Variants in CPE observed in about 807,000 individuals in gnomAD.
CPE encodes carbocypeptidase E.
Under a neutral mutation model 53.5 loss-of-function variants are expected in CPE, and 17 were observed. The ratio of observed to expected loss-of-function variants is 0.32; its 90% confidence interval spans 0.22 to 0.48. CPE has a LOEUF of 0.48. Among genes scored for constraint, CPE ranks in the 20% least tolerant of loss-of-function variants. The pLI, the probability that CPE is intolerant of heterozygous loss-of-function variation, is 0.99. For synonymous variants in CPE, 226 were observed against 228.8 expected (o/e 0.99, Z 0.11); for missense variants, 524 against 614.7 (o/e 0.85, Z 1.56).
At chr4:165,409,769 T>G (rs1043259977) in intron 1 of CPE, among the ~76,000 whole-genome samples, 8 of 152,186 alleles carry the variant, frequency 5.3e-5, no homozygotes, top group Non-Finnish European at 8.8e-5. Flanking sequence ...ATATTTATAC[T>G]TACTTTGTGA....
intron 3 of CPE, among the ~76,000 whole-genome samples, chr4:165,468,490 A>G (rs561227463): frequency 1.3e-5 from 2 of 152,160 alleles, no homozygotes; most frequent in African/African-American, 4.8e-5. Context: ...GTGGAACTTG[A>G]TATCTCAAGC....
At chr4:165,431,926 A>C (rs74697546) in intron 1 of CPE, among the ~76,000 whole-genome samples, 516 of 152,242 alleles carry the variant, frequency 3.4e-3, no homozygotes, top group Non-Finnish European at 5.8e-3. Context: ...GACAAGAGAG[A>C]TGAGTGTAGT....
In CPE at chr4:165,493,195, G is replaced by A. The variant is rs140738622; in HGVS notation, c.1138G>A (p.Val380Ile). Residue 380 changes from valine to isoleucine, a missense_variant, in exon 7 of 9, where the codon GTC becomes ATC. Coordinates refer to ENST00000402744, the MANE Select transcript of CPE (RefSeq NM_001873.4). ...EQIHRGVKGF[V>I]RDLQGNPIAN... ...GATACACCGAGGAGTTAAAGGATTTGTCCGAGACCTTCAAGGTAACCCAAT... is the reference window on the plus strand; with the variant it reads ...GATACACCGAGGAGTTAAAGGATTTATCCGAGACCTTCAAGGTAACCCAAT... 3.1e-4 allele frequency: 496 copies of A among 1,613,898 alleles called. 3 individuals are homozygous for A. In the African/African-American group the frequency reaches 5.7e-3, roughly 19 times the overall value.
Position 165,406,448 on chromosome 4 carries a change from A to C in CPE, c.307+26920A>C, listed in dbSNP as rs1418763167. The C allele has an allele frequency of 2.1e-4, 60 of 280,352 alleles. No homozygotes were observed. The Admixed American group carries it at 2.6e-3, about 12-fold the overall frequency. The allele number at this position is 280,352 out of a possible 1,614,324, so 17.4% of individuals were successfully genotyped here. A position where few individuals can be genotyped will look rare whatever the true frequency, so the allele number is the denominator to read the frequency against. On this transcript the variant is annotated intron_variant, in intron 1 of 8. Coordinates refer to ENST00000402744, the MANE Select transcript of CPE (RefSeq NM_001873.4). ...ATGTATTATAACCAAGGAGAATACA[A>C]ATGAACTGACTTCACAGTTTTTCCC...
chr4:165,403,615 A>G (rs571302073), intron 1 of CPE, among the ~76,000 whole-genome samples: 41 of 152,244 alleles, frequency 2.7e-4, no homozygotes, highest in Non-Finnish European at 5.4e-4. Flanking sequence ...GCTTGCTAAC[A>G]ACATGAAAAG....
intron 3 of CPE, among the ~76,000 whole-genome samples, chr4:165,477,965 G>A (rs182342235): frequency 2.0e-5 from 3 of 152,206 alleles, no homozygotes; most frequent in African/African-American, 4.8e-5. Context: ...GTTTGTCATC[G>A]GCTCTTGAGC....
chr4:165,448,658 C>T (rs372193945), intron 1 of CPE, among the ~76,000 whole-genome samples: 3 of 152,108 alleles, frequency 2.0e-5, no homozygotes, highest in East Asian at 1.9e-4. Flanking sequence ...CTTCTTTTAT[C>T]ATTGCGAGCA....
At chr4:165,487,794 T>C (rs980893629) in intron 6 of CPE, among the ~76,000 whole-genome samples, 1 of 152,120 alleles carries the variant, frequency 6.6e-6, no homozygotes, top group Non-Finnish European at 1.5e-5. Context: ...CTGGAGAGTA[T>C]ACAGAAAAGA....
intron 1 of CPE, among the ~76,000 whole-genome samples, chr4:165,410,440 C>A (rs1462016550): frequency 2.0e-5 from 3 of 152,080 alleles, no homozygotes; most frequent in African/African-American, 7.2e-5. Context: ...GGTAAGTAAA[C>A]AAAACAGGCC....
At chr4:165,443,217 T>C (rs970145575) in intron 1 of CPE, among the ~76,000 whole-genome samples, 3 of 152,206 alleles carry the variant, frequency 2.0e-5, no homozygotes. Flanking sequence ...ATAGGGCAAA[T>C]GGCATTTGCT....
At chr4:165,381,175 A>G in intron 1 of CPE, 2 of 425,148 alleles carry the variant, frequency 4.7e-6, no homozygotes, top group Admixed American at 5.4e-5. Flanking sequence ...TTTTAAAGTG[A>G]TATTACAGTT....
At chr4:165,380,042 C>T (rs962283742) in intron 1 of CPE, among the ~76,000 whole-genome samples, 10 of 152,278 alleles carry the variant, frequency 6.6e-5, no homozygotes, top group Admixed American at 5.9e-4. Flanking sequence ...ATCATGTTTT[C>T]TCTAATTTCC....
intron 1 of CPE, among the ~76,000 whole-genome samples, chr4:165,451,479 A>ATTTATTTAT (rs370777951): frequency 1.1e-4 from 17 of 150,462 alleles, no homozygotes; most frequent in South Asian, 1.1e-3. Context: ...AGGTTTTATT[A>ATTTATTTAT]TTATTTATTT....
intron 1 of CPE, among the ~76,000 whole-genome samples, chr4:165,456,564 C>T (rs1731905771): frequency 6.6e-6 from 1 of 151,858 alleles, no homozygotes; most frequent in South Asian, 2.1e-4. Flanking sequence ...CTTTCTCTCT[C>T]TCTCTCTCTC....
chr4:165,481,018 T>TATATATATA (rs1560894846), intron 3 of CPE, among the ~76,000 whole-genome samples: 2 of 115,316 alleles, frequency 1.7e-5, no homozygotes, highest in African/African-American at 7.7e-5. Context: ...ATATATATAT[T>TATATATATA]TTTTTTTTTT....
intron 1 of CPE, among the ~76,000 whole-genome samples, chr4:165,446,958 A>G (rs1374833736): frequency 1.3e-5 from 2 of 152,250 alleles, no homozygotes; most frequent in African/African-American, 4.8e-5. Context: ...ACTATATGGT[A>G]GAGCCTACTA....
At chr4:165,443,150 C>T (rs1032295887) in intron 1 of CPE, among the ~76,000 whole-genome samples, 2 of 152,126 alleles carry the variant, frequency 1.3e-5, no homozygotes, top group Admixed American at 1.3e-4. Context: ...GGGAATCATG[C>T]GAAGGGGCAG....
intron 1 of CPE, among the ~76,000 whole-genome samples, chr4:165,393,820 C>T (rs1438110): frequency 0.55 from 82,863 of 151,970 alleles, 23,187 homozygotes; most frequent in African/African-American, 0.68. Flanking sequence ...GTGCCGGAGG[C>T]GGATAGACAG....
chr4:165,483,565 T>C (rs1264669381), intron 4 of CPE, among the ~76,000 whole-genome samples: 2 of 152,254 alleles, frequency 1.3e-5, no homozygotes, highest in African/African-American at 2.4e-5. Flanking sequence ...GAAATCTCTG[T>C]ACTGTTCCTC....
Sources: gnomAD v4.1 joint callset for allele counts (sites outside exome capture counted in the v4.1 genomes callset) on GRCh38, gnomAD v4.1.1 for gene constraint, MANE v1.5 for transcripts, NCBI Gene and HGNC (gene_info 2026-07-23, HGNC 2026-07-21) for gene names.